Variants in TEKT5 observed in about 807,000 individuals in gnomAD.
TEKT5 encodes tektin-5.
In TEKT5, 52 loss-of-function variants were observed where a neutral mutation model predicts 48.7. That is an observed-to-expected ratio of 1.07 (90% CI 0.86 to 1.35). The LOEUF (loss-of-function observed/expected upper bound fraction) is 1.35, where lower values mean the gene tolerates loss of function less well. Among genes scored for constraint, TEKT5 ranks in the 40% most tolerant of loss-of-function variants. The probability of loss-of-function intolerance (pLI) is 0.00; values close to 1 mark genes in which losing one functional copy is unlikely to be tolerated. For synonymous variants in TEKT5, 318 were observed against 267.6 expected (o/e 1.19, Z -1.84); for missense variants, 831 against 641.6 (o/e 1.30, Z -3.19).
rs768733071 is a variant in TEKT5 at position 10,635,833 on chromosome 16, G to C, written c.1172C>G (p.Ala391Gly). ...GGTCCGGCACTCCAGCCTTGTCTGG[G>C]CCACCTTCAGCGGGCCCTCCTTGGC... ...IMAKEGPLKV[A>G]QTRLECRTRR... The change falls in exon 6 of 7, where the codon GCC becomes GGC. Residue 391 changes from alanine (A) to glycine (G), a missense_variant. By Grantham distance (60) the Ala-to-Gly change is moderately conservative (BLOSUM62 0). Coordinates refer to ENST00000283025, the MANE Select transcript of TEKT5 (RefSeq NM_144674.2). 1.2e-6 allele frequency: 2 copies of C among 1,613,962 alleles called. No individual in the cohort carries two copies. The highest frequency in any genetic ancestry group is 2.7e-5 in the African/African-American group (2 of 74,890).
At chr16:10,650,650 A>G (rs973286584) in intron 5 of TEKT5, among the ~76,000 whole-genome samples, 4 of 151,794 alleles carry the variant, frequency 2.6e-5, no homozygotes, top group African/African-American at 9.7e-5. Flanking sequence ...TTGGGATGCC[A>G]AGGCAGGCGG....
At chr16:10,677,376 G>A (rs1398840608) in intron 4 of TEKT5, among the ~76,000 whole-genome samples, 2 of 147,366 alleles carry the variant, frequency 1.4e-5, no homozygotes, top group Non-Finnish European at 2.9e-5. Flanking sequence ...TTGGGAGCCC[G>A]AGGCGGGCGG....
chr16:10,662,512 T>C (rs1333625674), intron 5 of TEKT5, among the ~76,000 whole-genome samples: 2 of 152,210 alleles, frequency 1.3e-5, no homozygotes, highest in Non-Finnish European at 2.9e-5. Context: ...AAATACTTTG[T>C]TCTGCACGTA....
chr16:10,638,625 T>C (rs894646058), intron 5 of TEKT5, among the ~76,000 whole-genome samples: 1 of 152,212 alleles, frequency 6.6e-6, no homozygotes, highest in African/African-American at 2.4e-5. Flanking sequence ...ATTCATCAGC[T>C]CCACCAGGAA....
chr16:10,659,687 T>G (rs1898329013), intron 5 of TEKT5, among the ~76,000 whole-genome samples: 1 of 152,154 alleles, frequency 6.6e-6, no homozygotes, highest in Non-Finnish European at 1.5e-5. Context: ...AAAGTTTTAA[T>G]AAGGCAACCG....
chr16:10,680,932 C>T (rs62025836), intron 4 of TEKT5, among the ~76,000 whole-genome samples: 1,534 of 150,040 alleles, frequency 0.01, 26 homozygotes, highest in African/African-American at 0.035. Flanking sequence ...GTGGGTGCAG[C>T]GCACGAGCAT....
intron 5 of TEKT5, 110 bp from the exon 6 acceptor site, chr16:10,636,028 G>A: frequency 1.3e-6 from 2 of 1,495,012 alleles, no homozygotes; most frequent in Non-Finnish European, 1.8e-6. Context: ...AGGCACTTAA[G>A]ATACTCCTTC....
At chr16:10,650,251 C>A (rs28520539) in intron 5 of TEKT5, among the ~76,000 whole-genome samples, 39,137 of 151,184 alleles carry the variant, frequency 0.26, 5,448 homozygotes, top group Middle Eastern at 0.39. Flanking sequence ...CAGGTGTGTG[C>A]GACAAGGCCC....
chr16:10,634,328 G>T (rs1041605108), intron 6 of TEKT5, among the ~76,000 whole-genome samples: 2 of 152,148 alleles, frequency 1.3e-5, no homozygotes, highest in African/African-American at 4.8e-5. Context: ...TATGCCCAAG[G>T]AAGCCTGAGG....
At chr16:10,687,082 G>A (rs1567236541) in intron 3 of TEKT5, among the ~76,000 whole-genome samples, 1 of 152,170 alleles carries the variant, frequency 6.6e-6, no homozygotes, top group Non-Finnish European at 1.5e-5. Flanking sequence ...CAGAGGCTGG[G>A]GGTGGGGTAT....
chr16:10,646,566 T>C (rs1374405441), intron 5 of TEKT5, among the ~76,000 whole-genome samples: 2 of 152,162 alleles, frequency 1.3e-5, no homozygotes, highest in African/African-American at 2.4e-5. Flanking sequence ...CCATAACCTA[T>C]GGGCACCAAG....
chr16:10,646,335 C>T (rs1056839580), intron 5 of TEKT5, among the ~76,000 whole-genome samples: 2 of 152,126 alleles, frequency 1.3e-5, no homozygotes, highest in Non-Finnish European at 2.9e-5. Flanking sequence ...AATTTGGGAA[C>T]AACCTGCCCT....
intron 5 of TEKT5, among the ~76,000 whole-genome samples, chr16:10,652,737 G>A (rs1468546616): frequency 1.6e-5 from 1 of 61,990 alleles, no homozygotes; most frequent in Non-Finnish European, 2.8e-5. Context: ...TCCAGGCCAG[G>A]TAGAGTGATC....
chr16:10,632,869 GACACACACAC>G lies in TEKT5; in HGVS notation c.1241+2885_1241+2894del, dbSNP rs35503579. ...CCAAAACACAACATACACAGATGCA[GACACACACAC>G]ACACACACACACACACACACACACA... is the stretch of plus-strand genomic sequence containing the variant. On this transcript the variant is annotated intron_variant, in intron 6 of 6. Coordinates refer to ENST00000283025, the MANE Select transcript of TEKT5 (RefSeq NM_144674.2). 8.0e-3 allele frequency among the ~76,000 whole-genome samples: 1,057 copies of G among 131,730 alleles called. 21 individuals carry two copies. The East Asian group carries it at 0.082, about 10-fold the overall frequency. The allele number at this position is 131,730 out of a possible 152,430, so 86.4% of individuals were successfully genotyped here.
At chr16:10,669,902 T>A (rs1898524491) in intron 5 of TEKT5, among the ~76,000 whole-genome samples, 1 of 152,102 alleles carries the variant, frequency 6.6e-6, no homozygotes, top group African/African-American at 2.4e-5. Context: ...AGTCACCAGC[T>A]CCTTTGCTAG....
intron 3 of TEKT5, among the ~76,000 whole-genome samples, chr16:10,688,436 G>GC (rs550755614): frequency 1.3e-4 from 20 of 152,228 alleles, no homozygotes; most frequent in South Asian, 1.0e-3. Flanking sequence ...GAAGGTGCCC[G>GC]CCCCCCCTGC....
chr16:10,669,217 TA>T (rs1339460503), intron 5 of TEKT5, among the ~76,000 whole-genome samples: 1 of 151,970 alleles, frequency 6.6e-6, no homozygotes. Context: ...CCTGTAATCC[TA>T]GCACTTTGGG....
chr16:10,694,237 G>A, intron 1 of TEKT5, 73 bp downstream of exon 1: 1 of 1,462,284 alleles, frequency 6.8e-7, no homozygotes, highest in Non-Finnish European at 9.1e-7. Flanking sequence ...TTCATCTTCA[G>A]TCAAGGGAAG....
At chr16:10,651,605 G>A (rs1412752441) in intron 5 of TEKT5, among the ~76,000 whole-genome samples, 2 of 152,144 alleles carry the variant, frequency 1.3e-5, no homozygotes, top group Non-Finnish European at 2.9e-5. Flanking sequence ...CAATTAGTGG[G>A]TGCTCAGCAA....
Sources: gnomAD v4.1 joint callset for allele counts (sites outside exome capture counted in the v4.1 genomes callset) on GRCh38, gnomAD v4.1.1 for gene constraint, MANE v1.5 for transcripts, NCBI Gene and HGNC (gene_info 2026-07-23, HGNC 2026-07-21) for gene names.